The following NEDD4L variants were observed in gnomAD, a reference collection of about 807,000 sequenced individuals.
The protein encoded by NEDD4L is NEDD4 like E3 ubiquitin protein ligase.
In NEDD4L, 54 loss-of-function variants were observed where a neutral mutation model predicts 148.9. The observed-to-expected ratio is 0.36, with a 90% CI of 0.29 to 0.45. NEDD4L has a LOEUF of 0.45. Among genes scored for constraint, NEDD4L ranks in the 20% least tolerant of loss-of-function variants. The probability of loss-of-function intolerance (pLI) is 1.00; values close to 1 mark genes in which losing one functional copy is unlikely to be tolerated. For missense variants in NEDD4L, 856 were observed against 1,233.8 expected, an observed-to-expected ratio of 0.69 and a Z score of 4.59; for synonymous variants, 433 against 440.7, an observed-to-expected ratio of 0.98 and a Z score of 0.22.
chr18:58,131,728 G>A (rs922806042), intron 1 of NEDD4L, among the ~76,000 whole-genome samples: 2 of 152,118 alleles, frequency 1.3e-5, no homozygotes, highest in African/African-American at 2.4e-5. Context: ...TTGGGGTTTG[G>A]TTGTGATCTA....
At chr18:58,307,597 C>T (rs1009973930) in intron 5 of NEDD4L, among the ~76,000 whole-genome samples, 5 of 152,194 alleles carry the variant, frequency 3.3e-5, no homozygotes, top group African/African-American at 1.2e-4. Context: ...AACCACACGG[C>T]ACTTCCATTC....
chr18:58,328,553 G>C (rs1190416672), intron 9 of NEDD4L, among the ~76,000 whole-genome samples: 1 of 152,140 alleles, frequency 6.6e-6, no homozygotes, highest in Non-Finnish European at 1.5e-5. Flanking sequence ...GTAGTCTTTG[G>C]TCAAATTGCT....
At chr18:58,068,211 T>G (rs1161035643) in intron 1 of NEDD4L, among the ~76,000 whole-genome samples, 1 of 147,638 alleles carries the variant, frequency 6.8e-6, no homozygotes, top group East Asian at 2.0e-4. Flanking sequence ...TTTTTTTGTT[T>G]TGTTTTGAGA....
At chr18:58,369,853 C>T (rs1446498850) in intron 22 of NEDD4L, among the ~76,000 whole-genome samples, 3 of 152,222 alleles carry the variant, frequency 2.0e-5, no homozygotes, top group Admixed American at 6.5e-5. Context: ...CGGGGCCTTC[C>T]CCATTTCCAG....
At chr18:58,245,719 C>T (rs909399144) in intron 3 of NEDD4L, among the ~76,000 whole-genome samples, 140 of 129,480 alleles carry the variant, frequency 1.1e-3, no homozygotes, top group African/African-American at 3.7e-3. Flanking sequence ...CTCACTCTGT[C>T]GCCCAGGCTG....
At chr18:58,386,116 G>A (rs755320948) in intron 26 of NEDD4L, among the ~76,000 whole-genome samples, 1 of 151,896 alleles carries the variant, frequency 6.6e-6, no homozygotes, top group Admixed American at 6.6e-5. Context: ...ACAGTGGTGC[G>A]ATCTCGGCTC....
chr18:58,094,314 A>G (rs1168334569), intron 1 of NEDD4L, among the ~76,000 whole-genome samples: 1 of 151,762 alleles, frequency 6.6e-6, no homozygotes, highest in South Asian at 2.1e-4. Flanking sequence ...CCTCCCAGAT[A>G]GCTGGGACCA....
At chr18:58,284,169 T>A (rs2053576935) in intron 5 of NEDD4L, among the ~76,000 whole-genome samples, 2 of 152,248 alleles carry the variant, frequency 1.3e-5, no homozygotes, top group Non-Finnish European at 1.5e-5. Flanking sequence ...GGTACTTTGT[T>A]ACAGCAGTTT....
chr18:58,132,989 C>T (rs941863405), intron 1 of NEDD4L, among the ~76,000 whole-genome samples: 6 of 152,136 alleles, frequency 3.9e-5, no homozygotes, highest in East Asian at 1.9e-4. Context: ...AAGACCATAG[C>T]GTGCATTTTC....
chr18:58,115,286 C>A (rs1180922872), intron 1 of NEDD4L, among the ~76,000 whole-genome samples: 1 of 140,800 alleles, frequency 7.1e-6, no homozygotes, highest in African/African-American at 2.7e-5. Context: ...ACAGTAGGTG[C>A]CTTAGAATCA....
chr18:58,365,872 G>T, intron 20 of NEDD4L, 127 bp from the exon 21 acceptor site: 1 of 638,984 alleles, frequency 1.6e-6, no homozygotes, highest in Non-Finnish European at 2.7e-6. Context: ...AATCTCAGTT[G>T]GAACCATTTG....
chr18:58,119,004 G>C (rs1043162157), intron 1 of NEDD4L, among the ~76,000 whole-genome samples: 1 of 152,188 alleles, frequency 6.6e-6, no homozygotes, highest in Non-Finnish European at 1.5e-5. Context: ...CATCCCAAAG[G>C]CTCTTGATAG....
At chr18:58,251,557 GTC>G (rs1055293058) in intron 4 of NEDD4L, among the ~76,000 whole-genome samples, 4 of 151,588 alleles carry the variant, frequency 2.6e-5, no homozygotes, top group Admixed American at 2.0e-4. Flanking sequence ...GTGTGTGTGT[GTC>G]TCTCTCTACA....
intron 19 of NEDD4L, among the ~76,000 whole-genome samples, chr18:58,361,031 G>A (rs2045401853): frequency 6.6e-6 from 1 of 152,082 alleles, no homozygotes; most frequent in African/African-American, 2.4e-5. Flanking sequence ...TCCCTGGTCC[G>A]GTGGGTAGAG....
chr18:58,078,471 G>T (rs2083281786), intron 1 of NEDD4L, among the ~76,000 whole-genome samples: 1 of 152,162 alleles, frequency 6.6e-6, no homozygotes, highest in African/African-American at 2.4e-5. Context: ...TGGGTGAGGG[G>T]GGACCGCTGA....
chr18:58,049,621 G>A (rs2081762787), intron 1 of NEDD4L, among the ~76,000 whole-genome samples: 1 of 152,192 alleles, frequency 6.6e-6, no homozygotes. Flanking sequence ...AAAGGACCTA[G>A]TTTTCATGGT....
In NEDD4L at chr18:58,383,399, C is replaced by T. The variant is rs1030354408; in HGVS notation, c.2426+80C>T. On this transcript the variant is annotated intron_variant, in intron 25 of 30. Coordinates refer to ENST00000400345, the MANE Select transcript of NEDD4L (RefSeq NM_001144967.3). The stretch of plus-strand genomic sequence containing the variant: ...GTCACTGTCCCTTGCTGAAACAGCT[C>T]ATGCATTTATTATGGGCATGAGTTT... 3 of 794,950 alleles carry T rather than the reference C, an allele frequency of 3.8e-6. No individual in the cohort carries two copies. The African/African-American group carries it at 5.2e-5, about 14-fold the overall frequency. 49.2% of individuals were successfully genotyped at this position (794,950 alleles called of 1,614,324 possible). A position where few individuals can be genotyped will look rare whatever the true frequency, so the allele number is the denominator to read the frequency against.
At chr18:58,363,369 A>G (rs1362864592) in intron 19 of NEDD4L, among the ~76,000 whole-genome samples, 1 of 152,208 alleles carries the variant, frequency 6.6e-6, no homozygotes, top group Non-Finnish European at 1.5e-5. Context: ...TGAAATTCAT[A>G]CTAGTGGCTA....
chr18:58,124,072 A>G (rs1332696940), intron 1 of NEDD4L, among the ~76,000 whole-genome samples: 1 of 152,200 alleles, frequency 6.6e-6, no homozygotes, highest in African/African-American at 2.4e-5. Flanking sequence ...CGTAGAAAGA[A>G]GTGACCTGTA....
Sources: gnomAD v4.1 joint callset for allele counts (sites outside exome capture counted in the v4.1 genomes callset) on GRCh38, gnomAD v4.1.1 for gene constraint, MANE v1.5 for transcripts, NCBI Gene and HGNC (gene_info 2026-07-23, HGNC 2026-07-21) for gene names.